The following LIMK1 variants were observed in gnomAD, a reference collection of about 807,000 sequenced individuals.
The protein encoded by LIMK1 is LIM domain kinase 1.
A neutral mutation model predicts 77.6 loss-of-function variants in LIMK1; 21 were observed. That is an observed-to-expected ratio of 0.27 (90% CI 0.19 to 0.39). LIMK1 has a LOEUF of 0.39. LIMK1 is among the 10% of genes least tolerant of loss of function. LIMK1 has a pLI of 1.00. For synonymous variants in LIMK1, 358 were observed against 370.0 expected, an observed-to-expected ratio of 0.97 and a Z score of 0.37; for missense variants, 696 against 901.6, an observed-to-expected ratio of 0.77 and a Z score of 2.92.
intron 13 of LIMK1, among the ~76,000 whole-genome samples, chr7:74,118,331 C>G (rs1299087482): frequency 1.4e-5 from 2 of 147,976 alleles, no homozygotes; most frequent in African/African-American, 5.0e-5. Flanking sequence ...GAGCCGAGAT[C>G]GCACCACTGT....
In LIMK1 at chr7:74,117,203, G is replaced by A. The variant is rs1417047346; in HGVS notation, c.1567+1245G>A. ...GCCAATTTTTTAAATTTTTAATAGA[G>A]ACGGGGGTATCACTATGTTGCCCAG... On this transcript the variant is annotated intron_variant, in intron 13 of 15. Coordinates refer to ENST00000336180, the MANE Select transcript of LIMK1 (RefSeq NM_002314.4). Among the ~76,000 whole-genome samples the A allele has an allele frequency of 2.0e-5, 3 of 152,152 alleles. No individual in the cohort carries two copies. In the East Asian group the frequency reaches 5.8e-4, roughly 29 times the overall value.
rs373101200 is a variant in LIMK1 at position 74,115,786 on chromosome 7, G to A, written c.1411-16G>A. 385 of 1,612,702 alleles carry A rather than the reference G, an allele frequency of 2.4e-4. 1 individual carries two copies. Among genetic ancestry groups the A allele is most frequent in the Non-Finnish European group, 1.4e-4 (170 of 1,179,258 alleles). The stretch of plus-strand genomic sequence containing the variant: ...CTAGGATCGGGTCCCAGCATGACCC[G>A]GCTTCACCTTCCCAGAACAAGAATG... On this transcript the variant is annotated splice_polypyrimidine_tract_variant and intron_variant, in intron 12 of 15. Transcript: ENST00000336180.
chr7:74,097,289 A>G, intron 4 of LIMK1, 100 bp downstream of exon 4: 1 of 655,552 alleles, frequency 1.5e-6, no homozygotes, highest in Non-Finnish European at 2.5e-6. Context: ...GCCCTTTCCC[A>G]TGGGGTGAGG....
chr7:74,118,264 C>G (rs1799857922), intron 13 of LIMK1, among the ~76,000 whole-genome samples: 2 of 151,466 alleles, frequency 1.3e-5, no homozygotes, highest in South Asian at 4.2e-4. Context: ...GTAGTCCCAG[C>G]TACCCGGGAG....
chr7:74,121,530 A>T lies in LIMK1; in HGVS notation c.*229A>T. 1.9e-6 allele frequency: 1 copy of T among 519,234 alleles called. No individual in the cohort carries two copies. The highest frequency in any genetic ancestry group is 3.1e-5 in the East Asian group (1 of 31,794). The allele number at this position is 519,234 out of a possible 1,614,324, so 32.2% of individuals were successfully genotyped here. A position where few individuals can be genotyped will look rare whatever the true frequency, so the allele number is the denominator to read the frequency against. ...CACACCATGCTCTCGCCCTGCTGTAACCTCTGTCTTGGCAGGGCTGTCCCC... is the reference window on the plus strand; with the variant it reads ...CACACCATGCTCTCGCCCTGCTGTATCCTCTGTCTTGGCAGGGCTGTCCCC... On this transcript the variant is annotated 3_prime_UTR_variant, in exon 16 of 16. Transcript: ENST00000336180.
At chr7:74,102,022 C>T (rs1799468308) in intron 5 of LIMK1, among the ~76,000 whole-genome samples, 1 of 152,086 alleles carries the variant, frequency 6.6e-6, no homozygotes, top group Non-Finnish European at 1.5e-5. Flanking sequence ...CTGAGTCTTG[C>T]TGTGTCGCCC....
At position 74,097,113 on chromosome 7, in the gene LIMK1, T is replaced by G. The variant is rs1554695768; in HGVS notation, c.325T>G (p.Phe109Val). Residue 109 changes from phenylalanine to valine, a missense_variant, in exon 4 of 16, where the codon TTC (phenylalanine) becomes GTC (valine). By Grantham distance (50) the Phe-to-Val change is conservative (BLOSUM62 -1). Around this residue, in one of 3 missense-constraint regions of LIMK1, gnomAD observed 252 missense variants for 279.4 expected, o/e 0.90. Transcript: ENST00000336180. ...GGAGCTGAAGTACCACCCCGAGTGT[T>G]TCATCTGCCTCACGTGTGGGACCTT... ...AGELKYHPECFICLTCGTFIG... is the reference protein window; with the variant it reads ...AGELKYHPECVICLTCGTFIG... 1 of 1,613,536 alleles carries G rather than the reference T, an allele frequency of 6.2e-7. No individual in the cohort carries two copies. Among genetic ancestry groups the G allele is most frequent in the Non-Finnish European group, 8.5e-7 (1 of 1,179,890 alleles).
At chr7:74,086,429 G>A (rs1799139141) in intron 2 of LIMK1, among the ~76,000 whole-genome samples, 3 of 151,864 alleles carry the variant, frequency 2.0e-5, no homozygotes, top group Admixed American at 6.6e-5. Flanking sequence ...GTGCCATCTC[G>A]GCTCATTGCA....
chr7:74,095,635 G>A lies in LIMK1; in HGVS notation c.153-987G>A, dbSNP rs190897498. Among the ~76,000 whole-genome samples, 4 of 152,046 alleles carry A rather than the reference G, an allele frequency of 2.6e-5. No homozygotes were observed. The East Asian group carries it at 7.7e-4, about 29-fold the overall frequency. Reference sequence around the variant, plus strand: ...TGCCCAGGCTGGCCTCAAACCTCTGGCCTCAAGTGATCCTCCCACCTTCGC... The same window carrying A: ...TGCCCAGGCTGGCCTCAAACCTCTGACCTCAAGTGATCCTCCCACCTTCGC... On this transcript the variant is annotated intron_variant, in intron 2 of 15. Coordinates refer to ENST00000336180, the MANE Select transcript of LIMK1 (RefSeq NM_002314.4).
chr7:74,111,815 G>A (rs1241150971), intron 11 of LIMK1, 108 bp downstream of exon 11: 2 of 1,435,562 alleles, frequency 1.4e-6, no homozygotes, highest in Non-Finnish European at 2.0e-6. Flanking sequence ...TGGGAGAGTG[G>A]GAAGAATCGT....
At chr7:74,114,953 G>A (rs547011154) in intron 12 of LIMK1, among the ~76,000 whole-genome samples, 1 of 151,846 alleles carries the variant, frequency 6.6e-6, no homozygotes. Context: ...GCCAGGTATG[G>A]TGGCTTACTC....
At chr7:74,107,829 C>T in intron 8 of LIMK1, 42 bp from the exon 9 acceptor site, 1 of 1,509,940 alleles carries the variant, frequency 6.6e-7, no homozygotes. Context: ...GGCGGGCTTA[C>T]AGCAGAGCTT....
At chr7:74,101,844 A>G (rs1346366441) in intron 5 of LIMK1, among the ~76,000 whole-genome samples, 1 of 151,424 alleles carries the variant, frequency 6.6e-6, no homozygotes, top group African/African-American at 2.4e-5. Context: ...TTTTTTTTTG[A>G]GACAGGGTCT....
chr7:74,109,151 C>A, intron 10 of LIMK1, 115 bp downstream of exon 10: 1 of 789,982 alleles, frequency 1.3e-6, no homozygotes, highest in Non-Finnish European at 2.1e-6. Context: ...GTCTCAAAGG[C>A]CCTCTGAACC....
At chr7:74,111,057 GA>G (rs530774097) in intron 10 of LIMK1, 2,294 of 152,298 alleles carry the variant, frequency 0.015, 19 homozygotes, top group Non-Finnish European at 0.022. Flanking sequence ...CCAACATGGT[GA>G]AACCCTGTCT....
At chr7:74,088,290 T>C (rs1303445791) in intron 2 of LIMK1, among the ~76,000 whole-genome samples, 1 of 152,276 alleles carries the variant, frequency 6.6e-6, no homozygotes, top group East Asian at 1.9e-4. Flanking sequence ...ACAGACAGCA[T>C]GCCCTGGGAT....
At chr7:74,104,454 C>T (rs1563918401) in intron 5 of LIMK1, among the ~76,000 whole-genome samples, 1 of 151,848 alleles carries the variant, frequency 6.6e-6, no homozygotes, top group Non-Finnish European at 1.5e-5. Flanking sequence ...AGAGAAACCC[C>T]ATCTGTACTA....
chr7:74,115,316 G>C lies in LIMK1; in HGVS notation c.1411-486G>C, dbSNP rs188750277. ...CAGGCGCCTGTAATCCCAGCTACTCGGGAGGGTGAGGCAGGAGAATCGCTT... is the reference window on the plus strand; with the variant it reads ...CAGGCGCCTGTAATCCCAGCTACTCCGGAGGGTGAGGCAGGAGAATCGCTT... On this transcript the variant is annotated intron_variant, in intron 12 of 15. Coordinates refer to ENST00000336180, the MANE Select transcript of LIMK1 (RefSeq NM_002314.4). The C allele has an allele frequency of 2.7e-3, 416 of 155,206 alleles. 2 individuals are homozygous for C. Among genetic ancestry groups the C allele is most frequent in the African/African-American group, 9.3e-3 (387 of 41,596 alleles). The allele number at this position is 155,206 out of a possible 1,614,324, so 9.6% of individuals were successfully genotyped here.
intron 5 of LIMK1, among the ~76,000 whole-genome samples, chr7:74,103,101 C>T (rs374813003): frequency 2.6e-5 from 4 of 152,204 alleles, no homozygotes; most frequent in South Asian, 4.1e-4. Flanking sequence ...CTCCTGACCT[C>T]AAATGATCCA....
Sources: allele counts gnomAD v4.1 joint callset (sites outside exome capture counted in the v4.1 genomes callset), GRCh38; gene constraint gnomAD v4.1.1; regional missense constraint gnomAD v4.1.1; transcripts MANE v1.5; gene names NCBI Gene and HGNC (gene_info 2026-07-23, HGNC 2026-07-21).